The following KIAA0825 variants were observed in gnomAD, a reference collection of about 807,000 sequenced individuals.
KIAA0825 encodes the protein KIAA0825, also known as uncharacterized protein KIAA0825.
Under a neutral mutation model 147.6 loss-of-function variants are expected in KIAA0825, and 119 were observed. The observed-to-expected ratio is 0.81, with a 90% CI of 0.69 to 0.94. The LOEUF (loss-of-function observed/expected upper bound fraction) is 0.94, where lower values mean the gene tolerates loss of function less well. Ranked by LOEUF, KIAA0825 falls within the 40% of genes least tolerant of loss-of-function variation. The pLI is 0.00. For missense variants in KIAA0825, 1,381 were observed against 1,472.7 expected, an observed-to-expected ratio of 0.94 and a Z score of 1.02; for synonymous variants, 470 against 518.1, an observed-to-expected ratio of 0.91 and a Z score of 1.26.
intron 4 of KIAA0825, 58 bp from the exon 5 acceptor site, chr5:94,520,975 T>C (rs1391730036): frequency 7.6e-7 from 1 of 1,316,858 alleles, no homozygotes. Flanking sequence ...ATGATTTCTA[T>C]AGTCATATAC....
At chr5:94,340,241 A>G (rs1782235787) in intron 20 of KIAA0825, among the ~76,000 whole-genome samples, 9 of 152,160 alleles carry the variant, frequency 5.9e-5, no homozygotes, top group Admixed American at 5.9e-4. Context: ...TTCTTATAAT[A>G]CCTAATACAA....
intron 20 of KIAA0825, among the ~76,000 whole-genome samples, chr5:94,295,483 C>T (rs1778094959): frequency 6.6e-6 from 1 of 152,024 alleles, no homozygotes. Flanking sequence ...ACTTGTGATC[C>T]TTTGAAGGAG....
chr5:94,569,468 A>AT, intron 2 of KIAA0825: 2 of 410,654 alleles, frequency 4.9e-6, no homozygotes. Context: ...ATATGTCATT[A>AT]TTCTCGCACG....
intron 4 of KIAA0825, 133 bp downstream of exon 4, chr5:94,523,797 A>G: frequency 2.0e-6 from 1 of 501,796 alleles, no homozygotes; most frequent in East Asian, 3.2e-5. Flanking sequence ...GGATATAGGA[A>G]CATAAAAACA....
intron 2 of KIAA0825, among the ~76,000 whole-genome samples, chr5:94,577,928 G>T (rs554457725): frequency 6.6e-6 from 1 of 152,236 alleles, no homozygotes; most frequent in Admixed American, 6.5e-5. Flanking sequence ...ATTCCATTTT[G>T]ACTTTGAACA....
chr5:94,211,475 C>T (rs779236584), intron 20 of KIAA0825, among the ~76,000 whole-genome samples: 2 of 152,140 alleles, frequency 1.3e-5, no homozygotes, highest in African/African-American at 2.4e-5. Context: ...CATGTTATCA[C>T]GCTGATTCCT....
intron 20 of KIAA0825, among the ~76,000 whole-genome samples, chr5:94,257,023 T>C (rs1776282760): frequency 6.6e-6 from 1 of 152,152 alleles, no homozygotes; most frequent in Non-Finnish European, 1.5e-5. Context: ...GAAAAAATGC[T>C]GTATTTTCTT....
At chr5:94,399,885 T>C (rs1438570362) in intron 16 of KIAA0825, among the ~76,000 whole-genome samples, 1 of 152,106 alleles carries the variant, frequency 6.6e-6, no homozygotes, top group African/African-American at 2.4e-5. Context: ...AAAATTTTAT[T>C]TATTAATGGT....
At chr5:94,326,516 A>T (rs954405966) in intron 20 of KIAA0825, among the ~76,000 whole-genome samples, 3 of 152,146 alleles carry the variant, frequency 2.0e-5, no homozygotes, top group African/African-American at 7.2e-5. Context: ...GATCTCACTG[A>T]CTAAGGCAAT....
At position 94,592,524 on chromosome 5, in the gene KIAA0825, A is replaced by C. The variant is rs144645694; in HGVS notation, c.-152-9941T>G. 1.1e-4 allele frequency among the ~76,000 whole-genome samples: 16 copies of C among 152,320 alleles called. 1 individual carries two copies. In the East Asian group the frequency reaches 2.1e-3, roughly 20 times the overall value. On this transcript the variant is annotated intron_variant, in intron 1 of 20. Transcript: ENST00000682413. ...GAGGGTTGGGTGAGACAACCAAGAC[A>C]GTTGCATTCCATGTTGGGACCAGGA...
chr5:94,485,630 AAG>A (rs146032759), intron 5 of KIAA0825, among the ~76,000 whole-genome samples: 15 of 151,020 alleles, frequency 9.9e-5, no homozygotes, highest in Admixed American at 3.3e-4. Flanking sequence ...TTTGCAAAGA[AAG>A]AGAGAGAGAG....
intron 1 of KIAA0825, among the ~76,000 whole-genome samples, chr5:94,595,484 C>A (rs1178531642): frequency 6.6e-6 from 1 of 152,168 alleles, no homozygotes; most frequent in Non-Finnish European, 1.5e-5. Context: ...ATGGGCCAAG[C>A]CCACGAAACC....
At chr5:94,332,858 C>A (rs1353312358) in intron 20 of KIAA0825, among the ~76,000 whole-genome samples, 1 of 152,128 alleles carries the variant, frequency 6.6e-6, no homozygotes, top group Non-Finnish European at 1.5e-5. Flanking sequence ...AGTGTAAAAG[C>A]ACTCCTGTTT....
In KIAA0825 at chr5:94,152,912, C is replaced by A. The variant is rs1766702559; in HGVS notation, c.*1095G>T. 1.4e-5 allele frequency: 1 copy of A among 72,308 alleles called. No individual in the cohort carries two copies. The highest frequency in any genetic ancestry group is 2.5e-5 in the Non-Finnish European group (1 of 39,992). 4.5% of individuals were successfully genotyped at this position (72,308 alleles called of 1,614,324 possible). On this transcript the variant is annotated 3_prime_UTR_variant, in exon 21 of 21. Coordinates refer to ENST00000682413, the MANE Select transcript of KIAA0825 (RefSeq NM_001145678.3). ...TATATATATATATATATGGTTTCTC[C>A]CAGACGTTCTTAGACTGCCCAACCA... is the stretch of plus-strand genomic sequence containing the variant.
intron 20 of KIAA0825, among the ~76,000 whole-genome samples, chr5:94,322,484 ATCC>A (rs1780283985): frequency 6.6e-6 from 1 of 151,906 alleles, no homozygotes; most frequent in African/African-American, 2.4e-5. Context: ...CACTATAAAC[ATCC>A]TATATGTTAG....
At chr5:94,173,620 A>G (rs544695473) in intron 20 of KIAA0825, among the ~76,000 whole-genome samples, 1 of 152,188 alleles carries the variant, frequency 6.6e-6, no homozygotes, top group Non-Finnish European at 1.5e-5. Flanking sequence ...TGAAATTCAT[A>G]TAGTACCACT....
chr5:94,384,529 G>C (rs535298726), intron 19 of KIAA0825, 71 bp from the exon 20 acceptor site: 4 of 1,281,908 alleles, frequency 3.1e-6, no homozygotes, highest in African/African-American at 3.0e-5. Context: ...GTAAATTAAA[G>C]CTCCAGCTGT....
At chr5:94,365,951 A>G (rs573599699) in intron 20 of KIAA0825, among the ~76,000 whole-genome samples, 17 of 152,314 alleles carry the variant, frequency 1.1e-4, no homozygotes, top group African/African-American at 2.4e-4. Context: ...TCCGCGCTCA[A>G]TAAATCAGCT....
At chr5:94,253,483 C>A (rs541609420) in intron 20 of KIAA0825, among the ~76,000 whole-genome samples, 1 of 152,038 alleles carries the variant, frequency 6.6e-6, no homozygotes, top group Non-Finnish European at 1.5e-5. Flanking sequence ...ACGTCAGGAA[C>A]ATTATTATTT....
Sources: gnomAD v4.1 joint callset for allele counts (sites outside exome capture counted in the v4.1 genomes callset) on GRCh38, gnomAD v4.1.1 for gene constraint, MANE v1.5 for transcripts, NCBI Gene and HGNC (gene_info 2026-07-23, HGNC 2026-07-21) for gene names.